The following PIWIL3 variants were observed in gnomAD, a reference collection of about 807,000 sequenced individuals.
The protein encoded by PIWIL3 is piwi-like protein 3.
PIWIL3 carries 101 observed loss-of-function variants against 109.7 expected under a neutral mutation model. The observed-to-expected ratio is 0.92, with a 90% CI of 0.78 to 1.09. The LOEUF (loss-of-function observed/expected upper bound fraction) is 1.09, where lower values mean the gene tolerates loss of function less well. Among genes scored for constraint, PIWIL3 ranks in the 50% least tolerant of loss-of-function variants. The probability of loss-of-function intolerance (pLI) is 0.00; values close to 1 mark genes in which losing one functional copy is unlikely to be tolerated. For missense variants in PIWIL3, 1,031 were observed against 1,072.6 expected (o/e 0.96, Z 0.54); for synonymous variants, 373 against 376.4 (o/e 0.99, Z 0.10).
rs1925001405 is a variant in PIWIL3, at chr22:24,755,904, C to A, written c.572G>T (p.Arg191Ile). 6.3e-7 allele frequency: 1 copy of A among 1,593,148 alleles called. No individual in the cohort carries two copies. The highest frequency in any genetic ancestry group is 8.5e-7 in the Non-Finnish European group (1 of 1,173,856). Residue 191 changes from arginine to isoleucine, a missense_variant and splice_region_variant, in exon 6 of 21, where the codon AGA (arginine) becomes ATA (isoleucine). Arg to Ile is a moderately conservative substitution (Grantham distance 97). Coordinates refer to ENST00000616349, the MANE Select transcript of PIWIL3 (RefSeq NM_001255975.1). ...LLLSRPLKER[R>I]VEWLSTTKDK... is the part of the protein sequence containing the mutation. Reference sequence around the variant, plus strand: ...TTTGGTTGTGCTCAACCATTCCACTCTCTGAGATTAAAAAAAAACAAAAAA... The same window carrying A: ...TTTGGTTGTGCTCAACCATTCCACTATCTGAGATTAAAAAAAAACAAAAAA...
Position 24,756,640 on chromosome 22 carries a change from C to T in PIWIL3, c.421G>A (p.Val141Ile), listed in dbSNP as rs1261000026. The change falls in exon 5 of 21, where the codon GTT becomes ATT. Residue 141 changes from valine (V) to isoleucine (I), a missense_variant. Physicochemically the swap from Val to Ile is conservative, Grantham distance 29. Transcript: ENST00000616349. ...TAGTCAACGTTGTATTTATATGCAA[C>T]CCACTGAGGACGAGATATCACTCGG... ...HFRVISRPQW[V>I]AYKYNVDYKP... 5.0e-6 allele frequency: 8 copies of T among 1,614,066 alleles called. No homozygotes were observed. Among genetic ancestry groups the T allele is most frequent in the Non-Finnish European group, 6.8e-6 (8 of 1,179,958 alleles).
At chr22:24,737,212 A>G (rs1486955904) in intron 12 of PIWIL3, among the ~76,000 whole-genome samples, 1 of 152,226 alleles carries the variant, frequency 6.6e-6, no homozygotes, top group Non-Finnish European at 1.5e-5. Flanking sequence ...AAAAGAAGGA[A>G]GAGTGAAGAC....
At chr22:24,726,287 C>CTT (rs377326400) in intron 16 of PIWIL3, among the ~76,000 whole-genome samples, 1 of 143,922 alleles carries the variant, frequency 6.9e-6, no homozygotes, top group African/African-American at 2.6e-5. Context: ...TTCTTTCTTT[C>CTT]TTTTTTTTTT....
chr22:24,752,369 T>C (rs564300306), intron 8 of PIWIL3, among the ~76,000 whole-genome samples: 2 of 152,308 alleles, frequency 1.3e-5, no homozygotes, highest in South Asian at 2.1e-4. Context: ...GCAGGTGTTA[T>C]GGTGCCCGCC....
chr22:24,730,240 G>A (rs543014025), intron 14 of PIWIL3, among the ~76,000 whole-genome samples: 19 of 151,196 alleles, frequency 1.3e-4, no homozygotes, highest in East Asian at 9.8e-4. Flanking sequence ...TGGCGGGCAC[G>A]TGTAGTCCCA....
chr22:24,754,875 A>C lies in PIWIL3; in HGVS notation c.693-11T>G, dbSNP rs754409379. On this transcript the variant is annotated splice_polypyrimidine_tract_variant and intron_variant, in intron 6 of 20. Transcript: ENST00000616349. ...AGCAGCTTGAAAGTTCTGGAAATGG[A>C]AAGAATAGATTTTGTTGAAAGTACA... is the stretch of plus-strand genomic sequence containing the variant. The C allele has an allele frequency of 1.9e-6, 3 of 1,606,776 alleles. No homozygotes were observed. Among genetic ancestry groups the C allele is most frequent in the Non-Finnish European group, 2.6e-6 (3 of 1,173,532 alleles).
chr22:24,748,289 G>A (rs1217240189), intron 12 of PIWIL3, among the ~76,000 whole-genome samples: 1 of 152,174 alleles, frequency 6.6e-6, no homozygotes, highest in African/African-American at 2.4e-5. Flanking sequence ...AGGGTAGTGG[G>A]AGGTTGGAGG....
intron 12 of PIWIL3, among the ~76,000 whole-genome samples, chr22:24,743,088 A>G (rs1398592104): frequency 6.6e-6 from 1 of 152,132 alleles, no homozygotes; most frequent in Non-Finnish European, 1.5e-5. Flanking sequence ...TGAATAGACA[A>G]TTCTCAAAGG....
chr22:24,766,946 A>G (rs1237031538), intron 1 of PIWIL3, among the ~76,000 whole-genome samples: 1 of 145,882 alleles, frequency 6.9e-6, no homozygotes, highest in Non-Finnish European at 1.5e-5. Context: ...CCGGGGCAAC[A>G]TCAAGACACC....
intron 12 of PIWIL3, among the ~76,000 whole-genome samples, chr22:24,747,613 C>A (rs1055643247): frequency 1.2e-4 from 19 of 152,036 alleles, no homozygotes; most frequent in Admixed American, 3.3e-4. Flanking sequence ...GAAAAATAAT[C>A]CAATTAAGAA....
intron 1 of PIWIL3, among the ~76,000 whole-genome samples, chr22:24,768,452 C>T (rs1353494437): frequency 6.6e-6 from 1 of 152,152 alleles, no homozygotes; most frequent in African/African-American, 2.4e-5. Flanking sequence ...CAGGGTTTCA[C>T]CATCTTGGCC....
chr22:24,754,829 C>A lies in PIWIL3; in HGVS notation c.728G>T (p.Arg243Leu), dbSNP rs774391915. The A allele has an allele frequency of 1.5e-5, 24 of 1,612,864 alleles. No individual in the cohort carries two copies. The highest frequency in any genetic ancestry group is 1.8e-5 in the Non-Finnish European group (21 of 1,179,168). The change falls in exon 7 of 21, where the codon CGC (arginine) becomes CTC (leucine). Residue 243 changes from arginine to leucine, a missense_variant. Arg to Leu is a moderately radical substitution (Grantham distance 102). Coordinates refer to ENST00000616349, the MANE Select transcript of PIWIL3 (RefSeq NM_001255975.1). Reference sequence around the variant, plus strand: ...GGCCTTCTTTTTGGTATAATAGTTGCGACCAACTTGTTCAAAATCCAGCAG... The same window carrying A: ...GGCCTTCTTTTTGGTATAATAGTTGAGACCAACTTGTTCAAAATCCAGCAG... ...FKLLDFEQVG[R>L]NYYTKKKAIQ...
chr22:24,725,580 A>C, intron 16 of PIWIL3, 65 bp from the exon 17 acceptor site: 1 of 1,494,896 alleles, frequency 6.7e-7, no homozygotes, highest in South Asian at 1.1e-5. Context: ...AGTCTGCATT[A>C]ATCTATGGGC....
rs1924180538 is a variant in PIWIL3, at chr22:24,744,178, T to TTAAAAA, written c.1449+4728_1449+4729insTTTTTA. ...ACTCTAATTGAAAGAGTGACCGAAT[T>TTAAAAA]AAAAAAAAAAAAAAAAAAAAAAAAA... On this transcript the variant is annotated intron_variant, in intron 12 of 20. Coordinates refer to ENST00000616349, the MANE Select transcript of PIWIL3 (RefSeq NM_001255975.1). 7.6e-3 allele frequency among the ~76,000 whole-genome samples: 262 copies of TTAAAAA among 34,322 alleles called. 52 individuals are homozygous for TTAAAAA. The highest frequency in any genetic ancestry group is 8.7e-3 in the Non-Finnish European group (154 of 17,636). 22.5% of individuals were successfully genotyped at this position (34,322 alleles called of 152,430 possible).
chr22:24,757,980 T>G lies in PIWIL3; in HGVS notation c.283A>C (p.Ile95Leu). 1 of 1,613,826 alleles carries G rather than the reference T, an allele frequency of 6.2e-7. No individual in the cohort carries two copies. The highest frequency in any genetic ancestry group is 1.7e-5 in the Admixed American group (1 of 59,974). The change falls in exon 4 of 21, where the codon ATT becomes CTT. Residue 95 changes from isoleucine (I) to leucine (L), a missense_variant. Physicochemically the swap from Ile to Leu is conservative, Grantham distance 5. Coordinates refer to ENST00000616349, the MANE Select transcript of PIWIL3 (RefSeq NM_001255975.1). The part of the protein sequence containing the change: ...LHTAPLQERR[I>L]GGVFQDLVVN... ...ACCAGGTCTTGAAAAACTCCACCAA[T>G]CCTTCTCTCCTGCAAGGGCGCTGTA...
chr22:24,748,619 CT>C (rs1412847646), intron 12 of PIWIL3, among the ~76,000 whole-genome samples: 4 of 152,066 alleles, frequency 2.6e-5, no homozygotes, highest in African/African-American at 9.7e-5. Flanking sequence ...TAGTGAATTA[CT>C]TTGATTCTAG....
Position 24,749,832 on chromosome 22 carries a change from C to CAA in PIWIL3, c.1090-15_1090-14dup, listed in dbSNP as rs796796837. ...TTTCTTTATGTTGCTGCTCAACAAA[C>CAA]AAGAGACCAGCATGACCATCAGTGA... On this transcript the variant is annotated splice_polypyrimidine_tract_variant and intron_variant, in intron 9 of 20. Transcript: ENST00000616349. 7 of 1,613,904 alleles carry CAA rather than the reference C, an allele frequency of 4.3e-6. No homozygotes were observed. The highest frequency in any genetic ancestry group is 1.6e-4 in the Middle Eastern group (1 of 6,062).
At chr22:24,761,344 A>T (rs6519530) in intron 2 of PIWIL3, among the ~76,000 whole-genome samples, 63,572 of 151,850 alleles carry the variant, frequency 0.42, 13,547 homozygotes, top group East Asian at 0.54. Flanking sequence ...GTGGTCAGTG[A>T]TGAAGGAGGT....
At chr22:24,767,381 A>G (rs1186315170) in intron 1 of PIWIL3, among the ~76,000 whole-genome samples, 2 of 146,770 alleles carry the variant, frequency 1.4e-5, no homozygotes, top group Non-Finnish European at 3.0e-5. Flanking sequence ...ACTAAAAAAA[A>G]TAAATAAATA....
Sources: allele counts gnomAD v4.1 joint callset (sites outside exome capture counted in the v4.1 genomes callset), GRCh38; gene constraint gnomAD v4.1.1; transcripts MANE v1.5; gene names NCBI Gene and HGNC (gene_info 2026-07-23, HGNC 2026-07-21).